Variants in ZNRF1 observed in about 807,000 individuals in gnomAD.
ZNRF1 encodes the protein zinc and ring finger 1, also known as E3 ubiquitin-protein ligase ZNRF1.
In ZNRF1, 3 loss-of-function variants were observed where a neutral mutation model predicts 18.4. That is an observed-to-expected ratio of 0.16 (90% CI 0.07 to 0.42). The LOEUF is 0.42. ZNRF1 is among the 10% of genes least tolerant of loss of function. The probability of loss-of-function intolerance (pLI) is 0.99; values close to 1 mark genes in which losing one functional copy is unlikely to be tolerated. For synonymous variants in ZNRF1, 157 were observed against 144.2 expected, an observed-to-expected ratio of 1.09 and a Z score of -0.64; for missense variants, 310 against 329.8, an observed-to-expected ratio of 0.94 and a Z score of 0.47.
chr16:75,106,892 C>A, intron 4 of ZNRF1: 1 of 264,496 alleles, frequency 3.8e-6, no homozygotes, highest in African/African-American at 2.2e-5. Context: ...GGAAAAGGAG[C>A]CTGAGCGGTG....
At chr16:75,043,959 T>C (rs2035482888) in intron 1 of ZNRF1, among the ~76,000 whole-genome samples, 1 of 151,898 alleles carries the variant, frequency 6.6e-6, no homozygotes, top group Non-Finnish European at 1.5e-5. Context: ...CCGGCTAATT[T>C]TGTATTTGTA....
chr16:75,092,727 C>T (rs1378882574), intron 1 of ZNRF1, among the ~76,000 whole-genome samples: 1 of 152,140 alleles, frequency 6.6e-6, no homozygotes, highest in Non-Finnish European at 1.5e-5. Context: ...ACACACATCT[C>T]AAAGGACAGT....
chr16:75,064,516 A>G (rs1451803575), intron 1 of ZNRF1, among the ~76,000 whole-genome samples: 2 of 150,854 alleles, frequency 1.3e-5, no homozygotes, highest in Admixed American at 6.7e-5. Flanking sequence ...AGATCGTGCC[A>G]TTGCACTCCA....
intron 1 of ZNRF1, among the ~76,000 whole-genome samples, chr16:75,081,089 C>T (rs1398016822): frequency 1.3e-5 from 2 of 152,088 alleles, no homozygotes; most frequent in Non-Finnish European, 2.9e-5. Flanking sequence ...AGGAGAATGG[C>T]GTGAACCCGG....
rs571759810 is a variant in ZNRF1, at chr16:75,090,706, G to A, written c.425-2866G>A. 3.3e-5 allele frequency among the ~76,000 whole-genome samples: 5 copies of A among 152,230 alleles called. No homozygotes were observed. In the South Asian group the frequency reaches 1.0e-3, roughly 32 times the overall value. ...TGGCGACTGTGCCATGGAGTCAACT[G>A]TCCACTTTGTCTGTAGTTAGCCAGG... On this transcript the variant is annotated intron_variant, in intron 1 of 4. Transcript: ENST00000335325.
intron 1 of ZNRF1, among the ~76,000 whole-genome samples, chr16:75,080,496 A>G (rs113018496): frequency 2.6e-5 from 4 of 152,148 alleles, no homozygotes; most frequent in Non-Finnish European, 4.4e-5. Flanking sequence ...AAAAATTCCT[A>G]TCAGCCAGTA....
chr16:75,077,978 C>T (rs58253570), intron 1 of ZNRF1, among the ~76,000 whole-genome samples: 3 of 152,186 alleles, frequency 2.0e-5, no homozygotes, highest in Admixed American at 1.3e-4. Flanking sequence ...AAGTGCTTTT[C>T]GCCATGTAAG....
intron 1 of ZNRF1, among the ~76,000 whole-genome samples, chr16:75,011,406 A>T (rs1056970634): frequency 2.0e-5 from 3 of 152,110 alleles, no homozygotes; most frequent in Non-Finnish European, 2.9e-5. Flanking sequence ...CTAAAAACAA[A>T]CTTTTTTTCA....
chr16:75,065,592 C>A (rs1285237826), intron 1 of ZNRF1, among the ~76,000 whole-genome samples: 1 of 152,064 alleles, frequency 6.6e-6, no homozygotes, highest in Non-Finnish European at 1.5e-5. Flanking sequence ...AGGTCTTATC[C>A]CTTCTTCTGC....
chr16:75,013,387 G>A (rs931882757), intron 1 of ZNRF1, among the ~76,000 whole-genome samples: 5 of 149,030 alleles, frequency 3.4e-5, no homozygotes, highest in Admixed American at 6.7e-5. Context: ...TCACTCTGTC[G>A]CCAGGCTGGA....
intron 1 of ZNRF1, among the ~76,000 whole-genome samples, chr16:75,009,072 T>C (rs1459079660): frequency 6.6e-6 from 1 of 152,220 alleles, no homozygotes; most frequent in East Asian, 1.9e-4. Flanking sequence ...TAGAGCCACT[T>C]TTCTTTCTGG....
At chr16:75,091,252 G>A (rs569494506) in intron 1 of ZNRF1, among the ~76,000 whole-genome samples, 18 of 151,982 alleles carry the variant, frequency 1.2e-4, no homozygotes, top group African/African-American at 3.6e-4. Flanking sequence ...CCAGCTACTC[G>A]GGAGGCTGAG....
chr16:75,094,345 C>A (rs1295271849), intron 2 of ZNRF1, among the ~76,000 whole-genome samples: 1 of 152,142 alleles, frequency 6.6e-6, no homozygotes, highest in Non-Finnish European at 1.5e-5. Context: ...ACCCTGAGGG[C>A]AGGGGATTTC....
chr16:75,041,309 A>G (rs1295321805), intron 1 of ZNRF1, among the ~76,000 whole-genome samples: 1 of 151,986 alleles, frequency 6.6e-6, no homozygotes, highest in Non-Finnish European at 1.5e-5. Flanking sequence ...GTGGTACCAC[A>G]TTGTGATTTT....
intron 1 of ZNRF1, among the ~76,000 whole-genome samples, chr16:75,004,511 CAT>C (rs1438350437): frequency 6.6e-6 from 1 of 152,198 alleles, no homozygotes; most frequent in Non-Finnish European, 1.5e-5. Flanking sequence ...CCTTCTTAGT[CAT>C]ATGTGTATAT....
intron 1 of ZNRF1, among the ~76,000 whole-genome samples, chr16:75,014,320 C>A (rs1157068992): frequency 6.6e-6 from 1 of 152,146 alleles, no homozygotes. Flanking sequence ...CATATATGTT[C>A]ATGCTTTTGC....
chr16:75,077,440 G>A (rs928229060), intron 1 of ZNRF1, among the ~76,000 whole-genome samples: 1 of 152,214 alleles, frequency 6.6e-6, no homozygotes, highest in Non-Finnish European at 1.5e-5. Flanking sequence ...GCCGAGGCAG[G>A]AGAATTGCTC....
intron 1 of ZNRF1, among the ~76,000 whole-genome samples, chr16:75,090,362 GTT>G (rs869112860): frequency 7.4e-6 from 1 of 134,876 alleles, no homozygotes; most frequent in Non-Finnish European, 1.7e-5. Context: ...GTCTTCTGGG[GTT>G]TGTTGTTGTT....
intron 1 of ZNRF1, among the ~76,000 whole-genome samples, chr16:75,047,581 G>GA (rs1397482724): frequency 6.6e-6 from 1 of 152,218 alleles, no homozygotes; most frequent in Non-Finnish European, 1.5e-5. Flanking sequence ...TTGGCATGTG[G>GA]AGGAGTGCTG....
Sources: allele counts gnomAD v4.1 joint callset (sites outside exome capture counted in the v4.1 genomes callset), GRCh38; gene constraint gnomAD v4.1.1; transcripts MANE v1.5; gene names NCBI Gene and HGNC (gene_info 2026-07-23, HGNC 2026-07-21).